UBE3A: variants seen among roughly 807,000 people sequenced by gnomAD.
The protein encoded by UBE3A is ubiquitin-protein ligase E3A.
UBE3A carries 6 observed loss-of-function variants against 83.4 expected under a neutral mutation model. The ratio of observed to expected loss-of-function variants is 0.07; its 90% CI spans 0.04 to 0.14. UBE3A has a LOEUF of 0.14. Among genes scored for constraint, UBE3A ranks in the 10% least tolerant of loss-of-function variants. The probability of loss-of-function intolerance (pLI) is 1.00; values close to 1 mark genes in which losing one functional copy is unlikely to be tolerated. For missense variants in UBE3A, 456 were observed against 1,036.1 expected, an observed-to-expected ratio of 0.44 and a Z score of 7.69; for synonymous variants, 337 against 355.4, an observed-to-expected ratio of 0.95 and a Z score of 0.58.
At chr15:25,413,103 A>C (rs754527889) in intron 1 of UBE3A, 1 of 415,470 alleles carries the variant, frequency 2.4e-6, no homozygotes, top group Admixed American at 3.2e-5. Context: ...ATCTATAAAA[A>C]TACAGAATAA....
intron 1 of UBE3A, among the ~76,000 whole-genome samples, chr15:25,437,570 C>T (rs1895480984): frequency 6.6e-6 from 1 of 152,070 alleles, no homozygotes; most frequent in South Asian, 2.1e-4. Flanking sequence ...ACTGTAAACC[C>T]CATATGCTAT....
chr15:25,339,437 T>G (rs1220525040), intron 12 of UBE3A, 180 bp from the exon 13 acceptor site: 1 of 678,658 alleles, frequency 1.5e-6, no homozygotes, highest in East Asian at 3.2e-5. Context: ...ATCCTATAAA[T>G]TACTCAAAGC....
At chr15:25,422,291 A>G (rs1320137930) in intron 1 of UBE3A, among the ~76,000 whole-genome samples, 1 of 152,168 alleles carries the variant, frequency 6.6e-6, no homozygotes, top group Non-Finnish European at 1.5e-5. Context: ...TACAGACAGG[A>G]AGGAACTTTT....
intron 6 of UBE3A, among the ~76,000 whole-genome samples, chr15:25,364,632 G>T (rs1304573152): frequency 5.8e-5 from 7 of 121,156 alleles, no homozygotes; most frequent in Non-Finnish European, 8.6e-5. Context: ...GATTTTTAGG[G>T]TTTTTTTTGT....
intron 11 of UBE3A, among the ~76,000 whole-genome samples, chr15:25,344,979 C>T (rs1418612665): frequency 2.8e-4 from 43 of 151,996 alleles, no homozygotes; most frequent in Admixed American, 2.7e-3. Context: ...TTGTTTTATT[C>T]CCTCCCAACC....
intron 5 of UBE3A, among the ~76,000 whole-genome samples, chr15:25,373,254 A>G (rs116945357): frequency 0.025 from 3,747 of 152,316 alleles, 71 homozygotes; most frequent in Non-Finnish European, 0.037. Context: ...AACATAACAG[A>G]AAATACTACT....
At chr15:25,369,951 T>A (rs577440472) in intron 6 of UBE3A, among the ~76,000 whole-genome samples, 2 of 152,260 alleles carry the variant, frequency 1.3e-5, no homozygotes, top group East Asian at 3.9e-4. Flanking sequence ...GCTGCTGTTT[T>A]CCAGAAGTTC....
At chr15:25,411,209 G>T (rs2089925030) in intron 2 of UBE3A, among the ~76,000 whole-genome samples, 1 of 152,180 alleles carries the variant, frequency 6.6e-6, no homozygotes, top group Admixed American at 6.5e-5. Context: ...CTTATAGGTA[G>T]AACTAGGATA....
intron 3 of UBE3A, chr15:25,407,299 C>A: frequency 3.9e-6 from 4 of 1,027,390 alleles, no homozygotes; most frequent in Middle Eastern, 2.9e-4. Context: ...TTTTCAAACA[C>A]GTAGGCAGCA....
chr15:25,354,172 A>C, intron 11 of UBE3A, 181 bp downstream of exon 11: 1 of 644,510 alleles, frequency 1.6e-6, no homozygotes, highest in South Asian at 1.9e-5. Flanking sequence ...TCATTCATGA[A>C]ATAAATCACA....
At chr15:25,419,023 C>CAATGT (rs1198956473) in intron 1 of UBE3A, 1 of 152,120 alleles carries the variant, frequency 6.6e-6, no homozygotes, top group African/African-American at 2.4e-5. Flanking sequence ...ATACCAAATA[C>CAATGT]AATGTAATGC....
chr15:25,415,851 A>AG (rs1194351761), intron 1 of UBE3A: 1 of 132,196 alleles, frequency 7.6e-6, no homozygotes, highest in Non-Finnish European at 1.5e-5. Flanking sequence ...CTCTACAAGA[A>AG]AAAAAAAAAA....
chr15:25,351,951 T>C (rs892943043), intron 11 of UBE3A, among the ~76,000 whole-genome samples: 1 of 151,790 alleles, frequency 6.6e-6, no homozygotes, highest in Admixed American at 6.6e-5. Flanking sequence ...CCCAGCACTT[T>C]GGGAGGCCGA....
rs7175021 is a variant in UBE3A at position 25,367,226 on chromosome 15, T to C, written c.1608+3340A>G. 1.3e-3 allele frequency among the ~76,000 whole-genome samples: 97 copies of C among 72,930 alleles called. 2 individuals carry two copies. In the African/African-American group the frequency reaches 0.014, roughly 10 times the overall value. The allele number at this position is 72,930 out of a possible 152,430, so 47.8% of individuals were successfully genotyped here. A position where few individuals can be genotyped will look rare whatever the true frequency, so the allele number is the denominator to read the frequency against. On this transcript the variant is annotated intron_variant, in intron 6 of 12. Coordinates refer to ENST00000648336, the MANE Select transcript of UBE3A (RefSeq NM_130839.5). Reference sequence around the variant, plus strand: ...ATTTGTAAATATGTAAATATTTACATATTTGTAAATATGTAAATATTTGCA... The same window carrying C: ...ATTTGTAAATATGTAAATATTTACACATTTGTAAATATGTAAATATTTGCA...
At chr15:25,419,760 G>C (rs930086583) in intron 1 of UBE3A, among the ~76,000 whole-genome samples, 1 of 151,926 alleles carries the variant, frequency 6.6e-6, no homozygotes, top group Non-Finnish European at 1.5e-5. Flanking sequence ...AAAAGAATGA[G>C]GGAGAGTAAA....
intron 6 of UBE3A, among the ~76,000 whole-genome samples, chr15:25,361,671 G>C (rs1371817257): frequency 2.0e-5 from 3 of 151,994 alleles, no homozygotes; most frequent in Non-Finnish European, 4.4e-5. Flanking sequence ...ACTGTATCTA[G>C]TACATGGATG....
chr15:25,372,096 A>T (rs1035556163), intron 5 of UBE3A, among the ~76,000 whole-genome samples: 1 of 152,176 alleles, frequency 6.6e-6, no homozygotes, highest in Non-Finnish European at 1.5e-5. Context: ...CTTTCTTTAT[A>T]ATCAAGATAT....
In UBE3A at chr15:25,336,597, CA is replaced by C. The variant is rs1397802223; in HGVS notation, c.*2539del. On this transcript the variant is annotated 3_prime_UTR_variant, in exon 13 of 13. Transcript: ENST00000648336. ...ATCTCCCTATACAAGCAAGCATCCC[CA>C]AAAGTAGTTGTCTCAGGAAACCAGG... is the stretch of plus-strand genomic sequence containing the variant. 1 of 152,084 alleles carries C rather than the reference CA, an allele frequency of 6.6e-6. No individual in the cohort carries two copies. Among genetic ancestry groups the C allele is most frequent in the Non-Finnish European group, 1.5e-5 (1 of 68,010 alleles). 9.4% of individuals were successfully genotyped at this position (152,084 alleles called of 1,614,324 possible). A position where few individuals can be genotyped will look rare whatever the true frequency, so the allele number is the denominator to read the frequency against.
At chr15:25,361,752 T>TA (rs2078149980) in intron 6 of UBE3A, among the ~76,000 whole-genome samples, 1 of 152,188 alleles carries the variant, frequency 6.6e-6, no homozygotes, top group Admixed American at 6.5e-5. Context: ...TAAAAAAATT[T>TA]AATCTTGGAG....
Sources: gnomAD v4.1 joint callset for allele counts (sites outside exome capture counted in the v4.1 genomes callset) on GRCh38, gnomAD v4.1.1 for gene constraint, MANE v1.5 for transcripts, NCBI Gene and HGNC (gene_info 2026-07-23, HGNC 2026-07-21) for gene names.